CYP2A6: variants seen among roughly 807,000 people sequenced by gnomAD.
CYP2A6 encodes the protein cytochrome P450 family 2 subfamily A member 6, also known as cytochrome P450 2A6.
In CYP2A6, 27 loss-of-function variants were observed where a neutral mutation model predicts 42.3. The observed-to-expected ratio is 0.64, with a 90% CI of 0.47 to 0.88. The LOEUF (loss-of-function observed/expected upper bound fraction) is 0.88, where lower values mean the gene tolerates loss of function less well. Among genes scored for constraint, CYP2A6 ranks in the 40% least tolerant of loss-of-function variants. The pLI is 0.00. For missense variants in CYP2A6, 628 were observed against 646.0 expected (o/e 0.97, Z 0.30); for synonymous variants, 238 against 246.3 (o/e 0.97, Z 0.31).
At position 40,850,337 on chromosome 19, in the gene CYP2A6, CT is replaced by C; in HGVS notation, c.89del (p.Lys30ArgfsTer20). The C allele has an allele frequency of 1.2e-6, 2 of 1,610,186 alleles. No individual in the cohort carries two copies. The highest frequency in any genetic ancestry group is 2.2e-5 in the South Asian group (2 of 90,800). On this transcript the variant is annotated frameshift_variant, in exon 1 of 9. Transcript: ENST00000301141. LOFTEE classifies it high-confidence loss of function. ...LMSVWQQRKSKGKLPPGPTPL... is the reference protein window; with the variant it reads ...LMSVWQQRKSXGKLPPGPTPL... Reference sequence around the variant, plus strand: ...GGGTGGGTCCCGGAGGCAGCTTCCCCTTGCTCTTCCTCTGCTGCCAAACAGA... The same window carrying C: ...GGGTGGGTCCCGGAGGCAGCTTCCCCTGCTCTTCCTCTGCTGCCAAACAGA...
chr19:40,846,255 G>A (rs1967097913), intron 5 of CYP2A6, among the ~76,000 whole-genome samples, 158 bp from the exon 6 acceptor site: 1 of 151,520 alleles, frequency 6.6e-6, no homozygotes, highest in Non-Finnish European at 1.5e-5. Flanking sequence ...CCCTTGCCCT[G>A]GCTGCTGGCT....
At chr19:40,847,797 G>T (rs1259355719) in intron 4 of CYP2A6, among the ~76,000 whole-genome samples, 3 of 151,664 alleles carry the variant, frequency 2.0e-5, no homozygotes, top group African/African-American at 7.3e-5. Context: ...GATGTGAAAT[G>T]ATTATGATGG....
Position 40,846,312 on chromosome 19 carries a change from T to A in CYP2A6, c.832-215A>T, listed in dbSNP as rs546342800. ...CTCACCTTCTTTACCTTGCTGACCA[T>A]CTGTCCTTCAATTATCAACTTAGCT... On this transcript the variant is annotated intron_variant, in intron 5 of 8. Coordinates refer to ENST00000301141, the MANE Select transcript of CYP2A6 (RefSeq NM_000762.6). 6.6e-5 allele frequency among the ~76,000 whole-genome samples: 10 copies of A among 151,238 alleles called. No homozygotes were observed. The East Asian group carries it at 2.0e-3, about 31-fold the overall frequency.
At position 40,843,596 on chromosome 19, in the gene CYP2A6, C is replaced by CA. The variant is rs2083440594; in HGVS notation, c.*199_*200insT. 1.0e-6 allele frequency: 1 copy of CA among 962,890 alleles called. No individual in the cohort carries two copies. The highest frequency in any genetic ancestry group is 3.1e-5 in the Admixed American group (1 of 32,058). 59.6% of individuals were successfully genotyped at this position (962,890 alleles called of 1,614,324 possible). On this transcript the variant is annotated 3_prime_UTR_variant, in exon 9 of 9. Transcript: ENST00000301141. ...TCTTCATAGCATAATGTAAGGGTTT[C>CA]CTTCCTCTCATCCCAGCTCGGAAGC...
intron 7 of CYP2A6, 183 bp from the exon 8 acceptor site, chr19:40,844,955 T>C: frequency 1.3e-6 from 1 of 794,416 alleles, no homozygotes. Flanking sequence ...ACAGGAAGTT[T>C]GGGAGACATG....
At chr19:40,845,216 T>A in intron 7 of CYP2A6, 78 bp downstream of exon 7, 1 of 1,582,684 alleles carries the variant, frequency 6.3e-7, no homozygotes, top group South Asian at 1.1e-5. Context: ...CTAGAAAGCT[T>A]CTAATGTGGG....
rs953985439 is a variant in CYP2A6, at chr19:40,849,697, G to T, written c.343+121C>A. On this transcript the variant is annotated intron_variant, in intron 2 of 8. Transcript: ENST00000301141. The stretch of plus-strand genomic sequence containing the variant: ...GCCACAATGAAGGGAGATGGGGAGG[G>T]AAGACCAGACTGGGGACTCTGCCTT... 6.2e-5 allele frequency: 95 copies of T among 1,525,944 alleles called. 3 individuals are homozygous for T. The highest frequency in any genetic ancestry group is 4.8e-4 in the East Asian group (20 of 41,548). The allele number at this position is 1,525,944 out of a possible 1,614,324, so 94.5% of individuals were successfully genotyped here. A position where few individuals can be genotyped will look rare whatever the true frequency, so the allele number is the denominator to read the frequency against.
At chr19:40,849,038 AG>A (rs1967168262) in intron 2 of CYP2A6, among the ~76,000 whole-genome samples, 1 of 39,726 alleles carries the variant, frequency 2.5e-5, no homozygotes, top group Non-Finnish European at 5.2e-5. Context: ...GAGAGAGAAG[AG>A]AGAGAGGAGA....
chr19:40,844,659 C>T lies in CYP2A6; in HGVS notation c.1275G>A (p.Lys425=), dbSNP rs1446957835. The change falls in exon 8 of 9, where the codon AAG becomes AAA. Residue 425 remains lysine, a synonymous_variant. Coordinates refer to ENST00000301141, the MANE Select transcript of CYP2A6 (RefSeq NM_000762.6). ...HFLNEKGQFK[K]SDAFVPFSIG... is the part of the protein sequence containing the mutation. ...TGGAAAAGGGCACAAAAGCATCACT[C>T]TTCTTAAACTGCCCCTTCTCATTCA... The T allele has an allele frequency of 6.2e-7, 1 of 1,611,700 alleles. No individual in the cohort carries two copies. Among genetic ancestry groups the T allele is most frequent in the South Asian group, 1.1e-5 (1 of 90,916 alleles).
chr19:40,846,455 G>C (rs1967101028), intron 5 of CYP2A6, among the ~76,000 whole-genome samples: 1 of 151,132 alleles, frequency 6.6e-6, no homozygotes, highest in Non-Finnish European at 1.5e-5. Context: ...TGAGTAGCTG[G>C]AACTGCACAT....
chr19:40,849,753 A>C, intron 2 of CYP2A6, 65 bp downstream of exon 2: 1 of 1,598,460 alleles, frequency 6.3e-7, no homozygotes, highest in Non-Finnish European at 8.5e-7. Flanking sequence ...GTCAGGGAGA[A>C]GGCTGGGAAC....
At chr19:40,849,088 G>GAGAGAGAGA (rs1259003653) in intron 2 of CYP2A6, among the ~76,000 whole-genome samples, 2 of 142,968 alleles carry the variant, frequency 1.4e-5, no homozygotes, top group Non-Finnish European at 3.0e-5. Context: ...GAGAGAGAGA[G>GAGAGAGAGA]ACCAGGTTTA....
At chr19:40,845,147 G>C in intron 7 of CYP2A6, 147 bp downstream of exon 7, 1 of 964,194 alleles carries the variant, frequency 1.0e-6, no homozygotes, top group Non-Finnish European at 1.6e-6. Flanking sequence ...GTGGAAAGGT[G>C]GAACGGATGT....
At position 40,843,852 on chromosome 19, in the gene CYP2A6, GT is replaced by G. The variant is rs2083442454; in HGVS notation, c.1428del (p.Lys476AsnfsTer14). 1 of 1,611,814 alleles carries G rather than the reference GT, an allele frequency of 6.2e-7. No individual in the cohort carries two copies. The highest frequency in any genetic ancestry group is 1.7e-5 in the Admixed American group (1 of 59,808). ...QSPKDIDVSP[K>X]HVGFATIPRN... is the part of the protein sequence containing the mutation. ...CGTGGGATCGTGGCAAAGCCCACGTGTTTGGGGGACACGTCAATGTCCTTAG... is the reference window on the plus strand; with the variant it reads ...CGTGGGATCGTGGCAAAGCCCACGTGTTGGGGGACACGTCAATGTCCTTAG... On this transcript the variant is annotated frameshift_variant, in exon 9 of 9. Transcript: ENST00000301141. LOFTEE classifies it low-confidence loss of function (END_TRUNC).
At chr19:40,845,616 C>G in intron 6 of CYP2A6, 135 bp from the exon 7 acceptor site, 1 of 1,410,006 alleles carries the variant, frequency 7.1e-7, no homozygotes, top group Non-Finnish European at 9.5e-7. Flanking sequence ...ACAGAACAGA[C>G]ATCAGCCATT....
intron 5 of CYP2A6, 116 bp from the exon 6 acceptor site, chr19:40,846,213 C>G (rs1245851486): frequency 1.4e-6 from 2 of 1,405,278 alleles, no homozygotes; most frequent in African/African-American, 2.9e-5. Flanking sequence ...AAAGAGGGAC[C>G]CTAGATCTAC....
rs768808256 is a variant in CYP2A6 at position 40,848,283 on chromosome 19, T to C, written c.590A>G (p.Glu197Gly). Residue 197 changes from glutamate (E) to glycine (G), a missense_variant, in exon 4 of 9, where the codon GAG (glutamate) becomes GGG (glycine). Physicochemically the swap from Glu to Gly is moderately conservative, Grantham distance 98 (BLOSUM62 -2). Around this residue, in one of 2 missense-constraint regions of CYP2A6, gnomAD observed 606 missense variants for 568.1 expected, o/e 1.07. Coordinates refer to ENST00000301141, the MANE Select transcript of CYP2A6 (RefSeq NM_000762.6). ...FGDRFDYKDKEFLSLLRMMLG... is the reference protein window; with the variant it reads ...FGDRFDYKDKGFLSLLRMMLG... ...CATCATGCGCAACAGTGACAGGAAC[T>C]CTTTGTCCTTATAGTCAAAGCGGTC... is the stretch of plus-strand genomic sequence containing the variant. 6.2e-6 allele frequency: 10 copies of C among 1,611,682 alleles called. 1 individual carries two copies. The highest frequency in any genetic ancestry group is 8.5e-6 in the Non-Finnish European group (10 of 1,179,956).
chr19:40,844,298 G>A (rs966481084), intron 8 of CYP2A6, among the ~76,000 whole-genome samples: 2 of 151,310 alleles, frequency 1.3e-5, no homozygotes, highest in African/African-American at 4.9e-5. Flanking sequence ...TCCATGCCAG[G>A]TGTAGCAATG....
At chr19:40,849,741 G>C in intron 2 of CYP2A6, 77 bp downstream of exon 2, 1 of 1,589,044 alleles carries the variant, frequency 6.3e-7, no homozygotes, top group Non-Finnish European at 8.6e-7. Context: ...GTTGGCAGGA[G>C]AGTCAGGGAG....
Sources: allele counts gnomAD v4.1 joint callset (sites outside exome capture counted in the v4.1 genomes callset), GRCh38; gene constraint gnomAD v4.1.1; regional missense constraint gnomAD v4.1.1; transcripts MANE v1.5; gene names NCBI Gene and HGNC (gene_info 2026-07-23, HGNC 2026-07-21).